ADGB: variants seen among roughly 807,000 people sequenced by gnomAD.
The protein encoded by ADGB is calpain-7-like protein.
A neutral mutation model predicts 210.5 loss-of-function variants in ADGB; 172 were observed. That is an observed-to-expected ratio of 0.82 (90% CI 0.72 to 0.93). ADGB has a LOEUF of 0.93. Among genes scored for constraint, ADGB ranks in the 40% least tolerant of loss-of-function variants. The probability of loss-of-function intolerance (pLI) is 0.00; values close to 1 mark genes in which losing one functional copy is unlikely to be tolerated. For synonymous variants in ADGB, 658 were observed against 662.7 expected, an observed-to-expected ratio of 0.99 and a Z score of 0.11; for missense variants, 2,025 against 1,964.8, an observed-to-expected ratio of 1.03 and a Z score of -0.58.
intron 1 of ADGB, among the ~76,000 whole-genome samples, chr6:146,623,126 T>A (rs531677389): frequency 1.1e-4 from 16 of 152,068 alleles, no homozygotes; most frequent in African/African-American, 3.6e-4. Context: ...TTTGAATATG[T>A]TTCTCCTGTT....
intron 11 of ADGB, 80 bp from the exon 12 acceptor site, chr6:146,692,745 G>A (rs1776347992): frequency 5.6e-6 from 4 of 712,928 alleles, no homozygotes; most frequent in South Asian, 1.9e-5. Flanking sequence ...ATCCAGCACT[G>A]TATTAAATGT....
intron 33 of ADGB, among the ~76,000 whole-genome samples, chr6:146,792,167 C>G (rs1777964299): frequency 6.6e-6 from 1 of 151,980 alleles, no homozygotes; most frequent in South Asian, 2.1e-4. Context: ...TGATGCCTCC[C>G]TCGTTATTTT....
intron 12 of ADGB, among the ~76,000 whole-genome samples, chr6:146,695,610 A>G (rs1429275095): frequency 4.6e-5 from 7 of 151,744 alleles, no homozygotes; most frequent in African/African-American, 1.7e-4. Flanking sequence ...AAGTTAATTA[A>G]TATTATATAA....
At chr6:146,780,463 T>G (rs775217536) in intron 29 of ADGB, among the ~76,000 whole-genome samples, 1 of 152,052 alleles carries the variant, frequency 6.6e-6, no homozygotes, top group Non-Finnish European at 1.5e-5. Context: ...ACAACATAGT[T>G]TCAAAAATAC....
At chr6:146,643,475 T>C (rs1255753402) in intron 2 of ADGB, among the ~76,000 whole-genome samples, 2 of 151,902 alleles carry the variant, frequency 1.3e-5, no homozygotes, top group African/African-American at 4.8e-5. Flanking sequence ...ATTTTAATAT[T>C]ATTTTTTGTA....
intron 13 of ADGB, among the ~76,000 whole-genome samples, chr6:146,713,257 T>C (rs1417495560): frequency 6.6e-6 from 1 of 152,216 alleles, no homozygotes; most frequent in Non-Finnish European, 1.5e-5. Flanking sequence ...CTGCTTTCAA[T>C]GCTTTTGGGA....
chr6:146,713,167 G>A (rs909627079), intron 13 of ADGB, among the ~76,000 whole-genome samples: 3 of 152,184 alleles, frequency 2.0e-5, no homozygotes, highest in Non-Finnish European at 4.4e-5. Flanking sequence ...TTTGTCAATA[G>A]ATATTGGGTT....
chr6:146,731,643 C>T (rs910041523), intron 20 of ADGB, among the ~76,000 whole-genome samples: 1 of 152,162 alleles, frequency 6.6e-6, no homozygotes, highest in East Asian at 1.9e-4. Context: ...CTCAATGTAG[C>T]AGAAACCCTA....
chr6:146,806,853 G>A (rs562108487), intron 35 of ADGB, among the ~76,000 whole-genome samples: 14 of 152,296 alleles, frequency 9.2e-5, no homozygotes, highest in African/African-American at 2.6e-4. Flanking sequence ...GGAGGAGAGC[G>A]TGCGGTTAAG....
At chr6:146,705,135 T>C (rs984865285) in intron 13 of ADGB, among the ~76,000 whole-genome samples, 8 of 152,136 alleles carry the variant, frequency 5.3e-5, no homozygotes, top group African/African-American at 1.7e-4. Context: ...TGTATGTTGA[T>C]TTTGTATCCT....
chr6:146,646,831 G>A (rs1775622517), intron 3 of ADGB, among the ~76,000 whole-genome samples: 1 of 152,118 alleles, frequency 6.6e-6, no homozygotes, highest in South Asian at 2.1e-4. Flanking sequence ...GCTCATGCCT[G>A]TAATCCCAGC....
At chr6:146,632,895 C>T (rs1049323783) in intron 1 of ADGB, among the ~76,000 whole-genome samples, 1 of 152,070 alleles carries the variant, frequency 6.6e-6, no homozygotes, top group Non-Finnish European at 1.5e-5. Flanking sequence ...CAATCTATAC[C>T]AGCTGTTAGC....
chr6:146,659,772 A>G (rs1393275015), intron 5 of ADGB, among the ~76,000 whole-genome samples: 2 of 152,140 alleles, frequency 1.3e-5, no homozygotes, highest in Non-Finnish European at 1.5e-5. Flanking sequence ...GCTGGGACAC[A>G]TATCATCTCG....
rs76114001 is a variant in ADGB at position 146,606,547 on chromosome 6, A to T, written c.74+7433A>T. Among the ~76,000 whole-genome samples, 153 of 152,268 alleles carry T rather than the reference A, an allele frequency of 1.0e-3. No homozygotes were observed. In the East Asian group the frequency reaches 0.028, roughly 28 times the overall value. On this transcript the variant is annotated intron_variant, in intron 1 of 35. Transcript: ENST00000397944. Reference sequence around the variant, plus strand: ...CAAATAGTTTTACATTTTCCACTTAAGTCTTTAATCCACTTCAGTTGCTTT... The same window carrying T: ...CAAATAGTTTTACATTTTCCACTTATGTCTTTAATCCACTTCAGTTGCTTT...
chr6:146,730,502 A>G (rs1280212376), intron 20 of ADGB, among the ~76,000 whole-genome samples: 1 of 152,206 alleles, frequency 6.6e-6, no homozygotes, highest in Non-Finnish European at 1.5e-5. Flanking sequence ...TTCACTTGGT[A>G]TAGGGGTGAC....
At chr6:146,772,177 A>G (rs1024345196) in intron 29 of ADGB, among the ~76,000 whole-genome samples, 3 of 152,130 alleles carry the variant, frequency 2.0e-5, no homozygotes, top group Non-Finnish European at 4.4e-5. Context: ...TCAATTGAAG[A>G]TCTTGCTCAC....
intron 3 of ADGB, among the ~76,000 whole-genome samples, chr6:146,645,350 C>T (rs1022293632): frequency 2.0e-5 from 3 of 152,014 alleles, no homozygotes; most frequent in African/African-American, 7.2e-5. Context: ...CTACGTGAAT[C>T]ATATTGACTG....
chr6:146,666,845 G>A lies in ADGB; in HGVS notation c.782G>A (p.Gly261Glu). 1 of 1,548,500 alleles carries A rather than the reference G, an allele frequency of 6.5e-7. No individual in the cohort carries two copies. The highest frequency in any genetic ancestry group is 8.7e-7 in the Non-Finnish European group (1 of 1,144,602). Residue 261 changes from glycine to glutamate, a missense_variant, in exon 7 of 36, where the codon GGG becomes GAG. Coordinates refer to ENST00000397944, the MANE Select transcript of ADGB (RefSeq NM_024694.4). Reference protein sequence around the residue: ...DIHVADRRELGEFTVIHALTG... With the variant: ...DIHVADRRELEEFTVIHALTG... ...CATGTAGCAGACAGGAGAGAGCTGGGGGAGTTCACGGTTATTCATGCGCTC... is the reference window on the plus strand; with the variant it reads ...CATGTAGCAGACAGGAGAGAGCTGGAGGAGTTCACGGTTATTCATGCGCTC...
intron 5 of ADGB, among the ~76,000 whole-genome samples, chr6:146,663,167 T>TAAA: frequency 7.1e-6 from 1 of 140,972 alleles, no homozygotes; most frequent in African/African-American, 2.6e-5. Flanking sequence ...TATATATTTA[T>TAAA]TATATATTAT....
Sources: gnomAD v4.1 joint callset for allele counts (sites outside exome capture counted in the v4.1 genomes callset) on GRCh38, gnomAD v4.1.1 for gene constraint, MANE v1.5 for transcripts, NCBI Gene and HGNC (gene_info 2026-07-23, HGNC 2026-07-21) for gene names.